The following STAC3 variants were observed in gnomAD, a reference collection of about 807,000 sequenced individuals.
STAC3 encodes the protein SH3 and cysteine rich domain 3, also known as SH3 and cysteine-rich domain-containing protein 3.
In STAC3, 30 loss-of-function variants were observed where a neutral mutation model predicts 48.5. The ratio of observed to expected loss-of-function variants is 0.62; its 90% CI spans 0.46 to 0.84. The LOEUF is 0.84. Ranked by LOEUF, STAC3 falls within the 40% of genes least tolerant of loss-of-function variation. The pLI is 0.00. For synonymous variants in STAC3, 144 were observed against 158.6 expected (o/e 0.91, Z 0.69); for missense variants, 419 against 462.6 (o/e 0.91, Z 0.86).
intron 3 of STAC3, 35 bp downstream of exon 3, chr12:57,249,006 A>T (rs766799893): frequency 1.3e-6 from 2 of 1,564,802 alleles, no homozygotes; most frequent in Admixed American, 3.6e-5. Context: ...TCTGCCTTCA[A>T]TATCATACTC....
intron 6 of STAC3, among the ~76,000 whole-genome samples, chr12:57,246,340 G>T (rs1038073866): frequency 3.3e-5 from 5 of 150,708 alleles, no homozygotes; most frequent in Non-Finnish European, 7.4e-5. Flanking sequence ...GATCAGATAT[G>T]TACATTTATC....
At chr12:57,245,778 C>A (rs1414783922) in intron 6 of STAC3, among the ~76,000 whole-genome samples, 1 of 152,104 alleles carries the variant, frequency 6.6e-6, no homozygotes, top group Non-Finnish European at 1.5e-5. Flanking sequence ...CTTGACTATG[C>A]TGTCAGCCTT....
intron 3 of STAC3, 116 bp downstream of exon 3, chr12:57,248,925 T>C (rs928279457): frequency 8.3e-5 from 128 of 1,539,950 alleles, no homozygotes; most frequent in Non-Finnish European, 1.1e-4. Flanking sequence ...TCTAATAGCA[T>C]TGCCTTACAC....
intron 5 of STAC3, 146 bp from the exon 6 acceptor site, chr12:57,247,047 G>T: frequency 1.5e-6 from 1 of 681,254 alleles, no homozygotes; most frequent in South Asian, 1.7e-5. Context: ...ATTAGGGAAG[G>T]GTCAGCTAGG....
At chr12:57,245,288 CTAT>C in intron 6 of STAC3, 77 bp from the exon 7 acceptor site, 1 of 1,314,844 alleles carries the variant, frequency 7.6e-7, no homozygotes, top group Non-Finnish European at 1.1e-6. Context: ...GGTCAGAGAA[CTAT>C]AGAATAATGG....
rs916856883 is a variant in STAC3 at position 57,248,349 on chromosome 12, G to A, written c.433-151C>T. 3.4e-5 allele frequency: 23 copies of A among 678,414 alleles called. 1 individual carries two copies. The South Asian group carries it at 3.7e-4, about 11-fold the overall frequency. The allele number at this position is 678,414 out of a possible 1,614,324, so 42.0% of individuals were successfully genotyped here. A position where few individuals can be genotyped will look rare whatever the true frequency, so the allele number is the denominator to read the frequency against. ...AATGGGATGGAGGAGAGACCAGCAA[G>A]GGGTAGCTGGCTGGTGACATGTCCC... is the stretch of plus-strand genomic sequence containing the variant. On this transcript the variant is annotated intron_variant, in intron 4 of 11. Transcript: ENST00000332782.
chr12:57,247,503 G>A lies in STAC3; in HGVS notation c.506-602C>T, dbSNP rs932722688. ...GGCTGGAGTACAGTGGCACAATCTC[G>A]GCTCACTGCAAGCTCCGCCTCCCGG... is the stretch of plus-strand genomic sequence containing the variant. On this transcript the variant is annotated intron_variant, in intron 5 of 11. Transcript: ENST00000332782. 4.5e-4 allele frequency among the ~76,000 whole-genome samples: 63 copies of A among 140,032 alleles called. No homozygotes were observed. In the Middle Eastern group the frequency reaches 0.02, roughly 44 times the overall value. 91.9% of individuals were successfully genotyped at this position (140,032 alleles called of 152,430 possible). A position where few individuals can be genotyped will look rare whatever the true frequency, so the allele number is the denominator to read the frequency against.
Position 57,246,920 on chromosome 12 carries a change from A to G in STAC3, c.506-19T>C, listed in dbSNP as rs756510964. 2.5e-6 allele frequency: 4 copies of G among 1,610,338 alleles called. No homozygotes were observed. The highest frequency in any genetic ancestry group is 1.7e-4 in the Middle Eastern group (1 of 5,780). On this transcript the variant is annotated intron_variant, in intron 5 of 11. Coordinates refer to ENST00000332782, the MANE Select transcript of STAC3 (RefSeq NM_145064.3). ...GCAGCAGCTAATCGAATGGGAGGAG[A>G]AAGAAGACATTATTGGGAAGGCAGA...
Position 57,248,714 on chromosome 12 carries a change from C to T in STAC3, c.424G>A (p.Gly142Ser), listed in dbSNP as rs777565251. 5.0e-6 allele frequency: 8 copies of T among 1,613,646 alleles called. No homozygotes were observed. Among genetic ancestry groups the T allele is most frequent in the Non-Finnish European group, 5.1e-6 (6 of 1,179,668 alleles). ...QSYVEMQRCF[G>S]KIPPGFHRAY... ...CTCCACAGCCTACTCACGATCTTGC[C>T]GAAGCATCTCTGCATTTCCACATAG... The change falls in exon 4 of 12, where the codon GGC becomes AGC. Residue 142 changes from glycine to serine, a missense_variant. Coordinates refer to ENST00000332782, the MANE Select transcript of STAC3 (RefSeq NM_145064.3).
At position 57,244,872 on chromosome 12, in the gene STAC3, T is replaced by C. The variant is rs138487577; in HGVS notation, c.720+44A>G. 1.4e-3 allele frequency: 2,253 copies of C among 1,610,158 alleles called. 25 individuals carry two copies. In the African/African-American group the frequency reaches 0.027, roughly 19 times the overall value. ...CATGAGTAGTGGTGTCAGAGCTGGGTTGGGGAGAGAACTGGGTTCCTTGCA... is the reference window on the plus strand; with the variant it reads ...CATGAGTAGTGGTGTCAGAGCTGGGCTGGGGAGAGAACTGGGTTCCTTGCA... On this transcript the variant is annotated intron_variant, in intron 8 of 11. Coordinates refer to ENST00000332782, the MANE Select transcript of STAC3 (RefSeq NM_145064.3).
At chr12:57,245,423 G>A (rs1226156486) in intron 6 of STAC3, among the ~76,000 whole-genome samples, 1 of 151,474 alleles carries the variant, frequency 6.6e-6, no homozygotes, top group African/African-American at 2.4e-5. Context: ...CCAGGCTGGA[G>A]TGCAGTGGCG....
chr12:57,245,278 G>C (rs1267852753), intron 6 of STAC3, 67 bp from the exon 7 acceptor site: 2 of 1,420,574 alleles, frequency 1.4e-6, no homozygotes, highest in Non-Finnish European at 2.0e-6. Flanking sequence ...TCTATAATCA[G>C]GTCAGAGAAC....
chr12:57,245,650 G>A (rs1033496800), intron 6 of STAC3, among the ~76,000 whole-genome samples: 1 of 151,970 alleles, frequency 6.6e-6, no homozygotes, highest in African/African-American at 2.4e-5. Context: ...GATTACAGGC[G>A]TGACCCACTG....
Position 57,244,368 on chromosome 12 carries a change from TGGGAGGGGAA to T in STAC3, c.807-12_807-3del. On this transcript the variant is annotated splice_polypyrimidine_tract_variant and splice_region_variant and intron_variant, in intron 9 of 11. Transcript: ENST00000332782. ...ATGACTGTGATCTTCTCTCCTGGCC[TGGGAGGGGAA>T]GGGAGGGGCCTCACTCACATAGCAG... 1 of 1,614,106 alleles carries T rather than the reference TGGGAGGGGAA, an allele frequency of 6.2e-7. No homozygotes were observed. Among genetic ancestry groups the T allele is most frequent in the South Asian group, 1.1e-5 (1 of 91,088 alleles).
chr12:57,243,732 C>A lies in STAC3; in HGVS notation c.*80G>T, dbSNP rs1310292678. 2.2e-6 allele frequency: 3 copies of A among 1,358,482 alleles called. No homozygotes were observed. The allele number at this position is 1,358,482 out of a possible 1,614,324, so 84.2% of individuals were successfully genotyped here. A position where few individuals can be genotyped will look rare whatever the true frequency, so the allele number is the denominator to read the frequency against. On this transcript the variant is annotated 3_prime_UTR_variant, in exon 12 of 12. Transcript: ENST00000332782. ...CCCTCCTCTCCCAGCAGTCCCGTTG[C>A]TTTCGCCCCCCTCCCCAAACTCCAC...
At chr12:57,247,423 TTA>T (rs1402433559) in intron 5 of STAC3, among the ~76,000 whole-genome samples, 51 of 42,530 alleles carry the variant, frequency 1.2e-3, no homozygotes, top group Admixed American at 5.5e-3. Context: ...ATTATTATTA[TTA>T]TTATTTTTTT....
chr12:57,246,584 C>T (rs2037747244), intron 6 of STAC3, among the ~76,000 whole-genome samples: 1 of 152,052 alleles, frequency 6.6e-6, no homozygotes, highest in African/African-American at 2.4e-5. Flanking sequence ...CAGGGTTTCA[C>T]CACGTTGGCC....
At chr12:57,247,428 ATTT>A (rs367784960) in intron 5 of STAC3, among the ~76,000 whole-genome samples, 10 of 58,556 alleles carry the variant, frequency 1.7e-4, no homozygotes, top group African/African-American at 5.6e-4. Flanking sequence ...TATTATTATT[ATTT>A]TTTTTTTTTT....
chr12:57,248,895 G>C, intron 3 of STAC3, 92 bp from the exon 4 acceptor site: 1 of 1,526,916 alleles, frequency 6.5e-7, no homozygotes, highest in African/African-American at 1.4e-5. Context: ...TTTTCTGTCT[G>C]GGACCCTACT....
Sources: allele counts gnomAD v4.1 joint callset (sites outside exome capture counted in the v4.1 genomes callset), GRCh38; gene constraint gnomAD v4.1.1; transcripts MANE v1.5; gene names NCBI Gene and HGNC (gene_info 2026-07-23, HGNC 2026-07-21).